Variants in ATAD3A observed in about 807,000 individuals in gnomAD.
ATAD3A encodes ATPase family AAA domain-containing protein 3A.
A neutral mutation model predicts 73.8 loss-of-function variants in ATAD3A; 46 were observed. The observed-to-expected ratio is 0.62, with a 90% confidence interval of 0.49 to 0.80. The LOEUF is 0.80. Ranked by LOEUF, ATAD3A falls within the 30% of genes least tolerant of loss-of-function variation. The probability of loss-of-function intolerance (pLI) is 0.00; values close to 1 mark genes in which losing one functional copy is unlikely to be tolerated. For synonymous variants in ATAD3A, 319 were observed against 350.0 expected (o/e 0.91, Z 0.99); for missense variants, 705 against 838.0 (o/e 0.84, Z 1.96).
intron 14 of ATAD3A, 33 bp downstream of exon 14, chr1:1,527,895 G>C: frequency 6.3e-7 from 1 of 1,599,196 alleles, no homozygotes; most frequent in Non-Finnish European, 8.5e-7. Flanking sequence ...CCCCGTCCAG[G>C]GGCCCTCGCT....
intron 2 of ATAD3A, chr1:1,517,007 C>T (rs1043933419): frequency 3.2e-5 from 43 of 1,359,552 alleles, no homozygotes; most frequent in East Asian, 7.6e-5. Context: ...CCGTCGCACC[C>T]GGTCCACTCA....
rs528643368 is a variant in ATAD3A at position 1,523,627 on chromosome 1, G to T, written c.963+60G>T. On this transcript the variant is annotated intron_variant, in intron 9 of 15. Coordinates refer to ENST00000378756, the MANE Select transcript of ATAD3A (RefSeq NM_001170535.3). The surrounding 1 kb of genome is among the most constrained non-coding windows in gnomAD (Gnocchi z 5.1). ...GGAGGGGACCCTGGAGCTGGGCCGG[G>T]CTGTGGCCCTTGCTGGCGCTCGTGG... The T allele has an allele frequency of 4.0e-5, 64 of 1,608,876 alleles. No homozygotes were observed. In the East Asian group the frequency reaches 1.3e-3, roughly 33 times the overall value.
chr1:1,530,427 G>C (rs1641994702), intron 15 of ATAD3A, among the ~76,000 whole-genome samples: 1 of 152,220 alleles, frequency 6.6e-6, no homozygotes, highest in South Asian at 2.1e-4. Flanking sequence ...CCAGCTGCTT[G>C]GGAGGCTGAG....
chr1:1,519,049 C>T (rs1464080613), intron 5 of ATAD3A, 59 bp downstream of exon 5: 42 of 1,613,106 alleles, frequency 2.6e-5, no homozygotes, highest in Non-Finnish European at 3.1e-5. Flanking sequence ...GTGGACCCGG[C>T]GTGCACTCTG....
At chr1:1,529,139 G>GGCCTC (rs1641948675) in intron 14 of ATAD3A, 84 bp from the exon 15 acceptor site, 1 of 1,562,076 alleles carries the variant, frequency 6.4e-7, no homozygotes, top group Non-Finnish European at 8.7e-7. Flanking sequence ...CGTGGGTGTC[G>GGCCTC]GCCTCGCTGC....
At chr1:1,514,077 G>A (rs925971769) in intron 1 of ATAD3A, among the ~76,000 whole-genome samples, 105 of 152,256 alleles carry the variant, frequency 6.9e-4, no homozygotes, top group African/African-American at 2.3e-3. Flanking sequence ...GTGAATTCAC[G>A]CGCTGGGACG....
intron 15 of ATAD3A, among the ~76,000 whole-genome samples, chr1:1,531,771 C>CT (rs1174128929): frequency 2.0e-5 from 3 of 151,612 alleles, no homozygotes; most frequent in African/African-American, 7.3e-5. Flanking sequence ...GAGCAAGACT[C>CT]TGTCTCAAAA....
In ATAD3A at chr1:1,520,272, G is replaced by T. The variant is rs2767471; in HGVS notation, c.646G>T (p.Ala216Ser). The T allele has an allele frequency of 2.1e-3, 3,390 of 1,588,220 alleles. 15 individuals carry two copies. Among genetic ancestry groups the T allele is most frequent in the Middle Eastern group, 7.1e-3 (38 of 5,328 alleles). The change falls in exon 6 of 16, where the codon GCC becomes TCC. Residue 216 changes from alanine (A) to serine (S), a missense_variant. This residue lies in a region of ATAD3A where 315 missense variants were observed against 334.1 expected (regional missense o/e 0.94). Transcript: ENST00000378756. The surrounding 1 kb of genome is among the most constrained non-coding windows in gnomAD (Gnocchi z 4.0). ...CCGCGAGCAGATCCGCCTGAAGGCG[G>T]CCGAGCACCGTCAGACCGTCTTGGA... Reference protein sequence around the residue: ...IIREQIRLKAAEHRQTVLESI... With the variant: ...IIREQIRLKASEHRQTVLESI...
At position 1,515,308 on chromosome 1, in the gene ATAD3A, C is replaced by T. The variant is rs190847584; in HGVS notation, c.206-704C>T. ...GTCAGGCCGGTCTCTAACTCCTGGA[C>T]TCAAGTGATCCACCCGTCTCAGCCT... On this transcript the variant is annotated intron_variant, in intron 1 of 15. Transcript: ENST00000378756. 2.6e-5 allele frequency among the ~76,000 whole-genome samples: 4 copies of T among 152,212 alleles called. No homozygotes were observed. In the South Asian group the frequency reaches 6.2e-4, roughly 24 times the overall value.
rs769601090 is a variant in ATAD3A at position 1,534,037 on chromosome 1, G to C, written c.1726G>C (p.Gly576Arg). The C allele has an allele frequency of 3.1e-6, 5 of 1,613,368 alleles. No homozygotes were observed. Among genetic ancestry groups the C allele is most frequent in the Admixed American group, 3.3e-5 (2 of 60,014 alleles). ...QQKMCWLKAE[G>R]PGRGDEPSPS is the part of the protein sequence containing the mutation. ...GAAGATGTGCTGGCTGAAGGCGGAA[G>C]GGCCTGGGCGTGGGGACGAGCCCTC... is the stretch of plus-strand genomic sequence containing the variant. Residue 576 changes from glycine (G) to arginine (R), a missense_variant, in exon 16 of 16, where the codon GGG (glycine) becomes CGG (arginine). Around this residue, in one of 5 missense-constraint regions of ATAD3A, gnomAD observed 252 missense variants for 278.5 expected, o/e 0.90. Transcript: ENST00000378756.
At chr1:1,531,393 A>G (rs1407764502) in intron 15 of ATAD3A, among the ~76,000 whole-genome samples, 6 of 140,094 alleles carry the variant, frequency 4.3e-5, no homozygotes, top group South Asian at 2.3e-4. Flanking sequence ...GGAGGTTGCA[A>G]AGAGCCGAGA....
At chr1:1,524,213 G>A in intron 10 of ATAD3A, 60 bp from the exon 11 acceptor site, 1 of 1,613,304 alleles carries the variant, frequency 6.2e-7, no homozygotes, top group Non-Finnish European at 8.5e-7. Context: ...GGTGGAGTGT[G>A]CAGGCTTTGC....
intron 14 of ATAD3A, 90 bp downstream of exon 14, chr1:1,527,952 ACATT>A: frequency 7.4e-7 from 1 of 1,350,146 alleles, no homozygotes; most frequent in African/African-American, 1.6e-5. Flanking sequence ...CAAACCTTTA[ACATT>A]CCTTTTTTTT....
chr1:1,529,569 T>G (rs1376102157), intron 15 of ATAD3A, among the ~76,000 whole-genome samples: 1 of 152,202 alleles, frequency 6.6e-6, no homozygotes, highest in Non-Finnish European at 1.5e-5. Context: ...CACCCGGGGC[T>G]CTCTGGAGGC....
At chr1:1,516,128 A>G (rs757752698) in intron 2 of ATAD3A, 40 bp downstream of exon 2, 37 of 1,611,364 alleles carry the variant, frequency 2.3e-5, no homozygotes, top group Non-Finnish European at 2.9e-5. Flanking sequence ...CGGGGCGCAC[A>G]TGGGGTTCGG....
In ATAD3A at chr1:1,517,330, A is replaced by C. The variant is rs575685262; in HGVS notation, c.302A>C (p.Glu101Ala). Residue 101 changes from glutamate (E) to alanine (A), a missense_variant, in exon 3 of 16, where the codon GAG becomes GCG. Glu to Ala is a moderately radical substitution (Grantham distance 107, BLOSUM62 -1). This residue lies in a region of ATAD3A where 125 missense variants were observed against 170.6 expected (regional missense o/e 0.73). Transcript: ENST00000378756. ...CTGCAGGAGTATGAGGCCGCCGTGG[A>C]GCAGCTCAAGAGCGAGCAGATCCGG... is the stretch of plus-strand genomic sequence containing the variant. ...SKLKEYEAAV[E>A]QLKSEQIRAQ... 1.4e-5 allele frequency: 21 copies of C among 1,545,014 alleles called. No individual in the cohort carries two copies. The South Asian group carries it at 2.3e-4, about 17-fold the overall frequency.
chr1:1,528,352 C>T (rs1438560029), intron 14 of ATAD3A, among the ~76,000 whole-genome samples: 2 of 151,334 alleles, frequency 1.3e-5, no homozygotes, highest in Non-Finnish European at 2.9e-5. Context: ...GGAGGTGATA[C>T]GGAGTGTTGC....
intron 4 of ATAD3A, among the ~76,000 whole-genome samples, chr1:1,518,379 G>A (rs539149547): frequency 7.9e-4 from 102 of 129,410 alleles, no homozygotes; most frequent in African/African-American, 2.9e-3. Flanking sequence ...ACACACAGGC[G>A]CACACCCACA....
intron 4 of ATAD3A, among the ~76,000 whole-genome samples, chr1:1,518,333 T>G (rs1442542978): frequency 1.3e-5 from 1 of 76,206 alleles, no homozygotes; most frequent in Admixed American, 1.9e-4. Context: ...ACAGGCTCAC[T>G]GGCACCCGCG....
Sources: gnomAD v4.1 joint callset for allele counts (sites outside exome capture counted in the v4.1 genomes callset) on GRCh38, gnomAD v4.1.1 for gene constraint, gnomAD v4.1.1 regional missense constraint, Gnocchi (gnomAD v3.1) non-coding constraint, MANE v1.5 for transcripts, NCBI Gene and HGNC (gene_info 2026-07-23, HGNC 2026-07-21) for gene names.